Variants in KREMEN1 observed in about 807,000 individuals in gnomAD.
The protein encoded by KREMEN1 is kringle containing transmembrane protein 1, also known as kremen protein 1.
KREMEN1 carries 30 observed loss-of-function variants against 46.5 expected under a neutral mutation model. The observed-to-expected ratio is 0.65, with a 90% CI of 0.48 to 0.88. KREMEN1 has a LOEUF of 0.88. KREMEN1 is among the 40% of genes least tolerant of loss of function. KREMEN1 has a pLI of 0.00. For synonymous variants in KREMEN1, 214 were observed against 230.6 expected, an observed-to-expected ratio of 0.93 and a Z score of 0.65; for missense variants, 533 against 596.9, an observed-to-expected ratio of 0.89 and a Z score of 1.11.
At chr22:29,153,125 G>C (rs1460655743) in intron 9 of KREMEN1, among the ~76,000 whole-genome samples, 1 of 152,204 alleles carries the variant, frequency 6.6e-6, no homozygotes, top group East Asian at 1.9e-4. Flanking sequence ...CCTGGTGGGA[G>C]TGTCTTTTCA....
At chr22:29,141,534 C>G (rs932145763) in intron 8 of KREMEN1, among the ~76,000 whole-genome samples, 2 of 152,164 alleles carry the variant, frequency 1.3e-5, no homozygotes, top group Non-Finnish European at 2.9e-5. Context: ...GGGCCAGCAC[C>G]GGAGGCTAGA....
rs946709305 is a variant in KREMEN1 at position 29,159,283 on chromosome 22, C to T, written c.1417-7761C>T. ...ACCCAGCCAGCCCAGGAGTGTTTTG[C>T]TCCTTAATGTTCTCAGGTGTAAACA... On this transcript the variant is annotated intron_variant, in intron 9 of 9. Coordinates refer to the KREMEN1 transcript ENST00000327813. Among the ~76,000 whole-genome samples the T allele has an allele frequency of 2.0e-5, 3 of 152,098 alleles. No homozygotes were observed. In the East Asian group the frequency reaches 5.8e-4, roughly 30 times the overall value.
rs75844773 is a variant in KREMEN1 at position 29,138,552 on chromosome 22, G to A, written c.965-72G>A. The A allele has an allele frequency of 1.6e-3, 2,332 of 1,431,826 alleles. 24 individuals are homozygous for A. The African/African-American group carries it at 0.024, about 15-fold the overall frequency. The allele number at this position is 1,431,826 out of a possible 1,614,324, so 88.7% of individuals were successfully genotyped here. ...AGAGAAGAACTCTTCTTCATAACTCGTGCTCTCCTCCCGCACAACTCTTTG... is the reference window on the plus strand; with the variant it reads ...AGAGAAGAACTCTTCTTCATAACTCATGCTCTCCTCCCGCACAACTCTTTG... On this transcript the variant is annotated intron_variant, in intron 6 of 8. Coordinates refer to ENST00000400335, the MANE Select transcript of KREMEN1 (RefSeq NM_001039570.3).
chr22:29,149,736 C>T (rs565614371), downstream of KREMEN1, among the ~76,000 whole-genome samples: 101 of 152,330 alleles, frequency 6.6e-4, no homozygotes, highest in African/African-American at 2.3e-3. Flanking sequence ...ATGAGACCCT[C>T]AAACCCATCT....
intron 3 of KREMEN1, among the ~76,000 whole-genome samples, chr22:29,114,905 T>G (rs1361172144): frequency 1.3e-5 from 2 of 152,218 alleles, no homozygotes; most frequent in Non-Finnish European, 2.9e-5. Context: ...CCAAAATGAT[T>G]AAGATAAAAT....
intron 9 of KREMEN1, among the ~76,000 whole-genome samples, chr22:29,163,274 C>A (rs2039027964): frequency 6.6e-6 from 1 of 152,148 alleles, no homozygotes; most frequent in Non-Finnish European, 1.5e-5. Flanking sequence ...TTTTGCCTTC[C>A]GCCATGCTTG....
chr22:29,087,949 A>G (rs1349298471), intron 1 of KREMEN1, among the ~76,000 whole-genome samples: 1 of 152,240 alleles, frequency 6.6e-6, no homozygotes, highest in African/African-American at 2.4e-5. Context: ...ACAACCTGGC[A>G]GAATTTTTCC....
rs2038813732 is a variant in KREMEN1, at chr22:29,144,002, A to G, written c.*1890A>G. ...GCTGCTGGTTGGGAGAGTAAGTGCC[A>G]TCACTAATTTAAAAGTCCTTGCCAT... On this transcript the variant is annotated 3_prime_UTR_variant, in exon 9 of 9. Transcript: ENST00000400335. The G allele has an allele frequency of 5.1e-6, 5 of 985,398 alleles. No individual in the cohort carries two copies. The African/African-American group carries it at 7.0e-5, about 14-fold the overall frequency. 61.0% of individuals were successfully genotyped at this position (985,398 alleles called of 1,614,324 possible). A position where few individuals can be genotyped will look rare whatever the true frequency, so the allele number is the denominator to read the frequency against.
chr22:29,107,378 G>A (rs1480558713), intron 3 of KREMEN1, among the ~76,000 whole-genome samples: 6 of 151,518 alleles, frequency 4.0e-5, no homozygotes, highest in Non-Finnish European at 5.9e-5. Context: ...GCCCACAACC[G>A]TGCCCAGCTA....
intron 8 of KREMEN1, 93 bp from the exon 9 acceptor site, chr22:29,141,851 C>A: frequency 1.9e-6 from 2 of 1,027,048 alleles, no homozygotes; most frequent in Non-Finnish European, 2.8e-6. Context: ...CAAGACCTTG[C>A]CCCACCCCAT....
At chr22:29,093,408 A>C in intron 1 of KREMEN1, among the ~76,000 whole-genome samples, 1 of 152,224 alleles carries the variant, frequency 6.6e-6, no homozygotes, top group Middle Eastern at 3.2e-3. Context: ...TGTTCTTTGT[A>C]CTGTGCCTGT....
chr22:29,073,539 G>A lies in KREMEN1; in HGVS notation c.97+312G>A, dbSNP rs1346865977. ...TCCAAGACCCTCTGCGACGCCCCCC[G>A]GGCTGGGACATCTTCTCTGTCTCGG... On this transcript the variant is annotated intron_variant, in intron 1 of 8. Coordinates refer to ENST00000400335, the MANE Select transcript of KREMEN1 (RefSeq NM_001039570.3). The surrounding 1 kb of genome is among the most constrained non-coding windows in gnomAD (Gnocchi z 4.4). Among the ~76,000 whole-genome samples, 2 of 151,646 alleles carry A rather than the reference G, an allele frequency of 1.3e-5. No individual in the cohort carries two copies. Among genetic ancestry groups the A allele is most frequent in the African/African-American group, 4.8e-5 (2 of 41,264 alleles).
intron 5 of KREMEN1, among the ~76,000 whole-genome samples, chr22:29,132,776 A>AT (rs1195027390): frequency 6.6e-6 from 1 of 152,054 alleles, no homozygotes; most frequent in Non-Finnish European, 1.5e-5. Context: ...TTTCACCTGC[A>AT]TTTTTTTGAG....
chr22:29,106,903 G>A (rs1287667684), intron 3 of KREMEN1, among the ~76,000 whole-genome samples: 1 of 152,228 alleles, frequency 6.6e-6, no homozygotes, highest in Non-Finnish European at 1.5e-5. Context: ...CATGCTGTTA[G>A]CTCTAAGTCA....
chr22:29,094,687 G>A lies in KREMEN1; in HGVS notation c.260+267G>A, dbSNP rs9625701. Among the ~76,000 whole-genome samples the A allele has an allele frequency of 6.7e-3, 990 of 147,728 alleles. 13 individuals are homozygous for A. The highest frequency in any genetic ancestry group is 0.023 in the African/African-American group (936 of 40,002). ...CGCCCAGGCTGGAGTGCAGTGGCGC[G>A]ATCTCGGCTCACTGCAAGCTCCGCC... is the stretch of plus-strand genomic sequence containing the variant. On this transcript the variant is annotated intron_variant, in intron 2 of 8. Coordinates refer to ENST00000400335, the MANE Select transcript of KREMEN1 (RefSeq NM_001039570.3).
At chr22:29,164,527 C>G (rs1163178221) in intron 9 of KREMEN1, among the ~76,000 whole-genome samples, 1 of 152,138 alleles carries the variant, frequency 6.6e-6, no homozygotes, top group East Asian at 1.9e-4. Flanking sequence ...GCAGGCAGAT[C>G]ATGAGGTCAG....
chr22:29,154,808 G>T (rs746604337), intron 9 of KREMEN1: 2 of 151,834 alleles, frequency 1.3e-5, no homozygotes, highest in Non-Finnish European at 2.9e-5. Flanking sequence ...ATCAGCCTGG[G>T]CAAAATTGCG....
chr22:29,159,260 C>A (rs918072316), intron 9 of KREMEN1, among the ~76,000 whole-genome samples: 1 of 151,978 alleles, frequency 6.6e-6, no homozygotes, highest in Non-Finnish European at 1.5e-5. Context: ...GCCACTGCAC[C>A]CAGCCAGCCC....
At chr22:29,083,056 C>T (rs942066432) in intron 1 of KREMEN1, among the ~76,000 whole-genome samples, 17 of 152,226 alleles carry the variant, frequency 1.1e-4, no homozygotes, top group African/African-American at 1.9e-4. Flanking sequence ...AGGTACCTGC[C>T]GCCACGCCTG....
Sources: allele counts gnomAD v4.1 joint callset (sites outside exome capture counted in the v4.1 genomes callset), GRCh38; gene constraint gnomAD v4.1.1; non-coding constraint Gnocchi (gnomAD v3.1); transcripts MANE v1.5; gene names NCBI Gene and HGNC (gene_info 2026-07-23, HGNC 2026-07-21).